Variants in NUP205 observed in about 807,000 individuals in gnomAD.
The protein encoded by NUP205 is nuclear pore complex protein Nup205.
In NUP205, 76 loss-of-function variants were observed where a neutral mutation model predicts 253.8. The observed-to-expected ratio is 0.30, with a 90% CI of 0.25 to 0.36. The LOEUF (loss-of-function observed/expected upper bound fraction) is 0.36, where lower values mean the gene tolerates loss of function less well. Ranked by LOEUF, NUP205 falls within the 10% of genes least tolerant of loss-of-function variation. The pLI, the probability that NUP205 is intolerant of heterozygous loss-of-function variation, is 1.00. For synonymous variants in NUP205, 832 were observed against 850.1 expected (o/e 0.98, Z 0.37); for missense variants, 2,162 against 2,425.5 (o/e 0.89, Z 2.28).
intron 28 of NUP205, 85 bp from the exon 29 acceptor site, chr7:135,619,338 T>C: frequency 7.0e-7 from 1 of 1,420,256 alleles, no homozygotes; most frequent in Non-Finnish European, 9.6e-7. Context: ...CGAGACCCTG[T>C]CTTCAAAAAA....
At chr7:135,598,736 C>G (rs893258870) in intron 15 of NUP205, 1 of 153,234 alleles carries the variant, frequency 6.5e-6, no homozygotes, top group Non-Finnish European at 1.5e-5. Context: ...TTATATATAT[C>G]ATTTTATATA....
At chr7:135,627,412 C>T (rs546604419) in intron 33 of NUP205, among the ~76,000 whole-genome samples, 4 of 152,276 alleles carry the variant, frequency 2.6e-5, no homozygotes, top group African/African-American at 7.2e-5. Context: ...CAATATGATG[C>T]TCAAAGGAAA....
Position 135,643,326 on chromosome 7 carries a change from G to T in NUP205, c.5527G>T (p.Val1843Leu). ...ACAGAGTGTCAGCAAGCTACAAAAT[G>T]TAGAGCAGCTTCCCCCAGATGAGAT... Reference protein sequence around the residue: ...HRQSVSKLQNVEQLPPDEIKE... With the variant: ...HRQSVSKLQNLEQLPPDEIKE... Residue 1843 changes from valine (V) to leucine (L), a missense_variant, in exon 39 of 43, where the codon GTA becomes TTA. Val to Leu is a conservative substitution (Grantham distance 32). Transcript: ENST00000285968. The T allele has an allele frequency of 6.2e-7, 1 of 1,614,072 alleles. No individual in the cohort carries two copies. Among genetic ancestry groups the T allele is most frequent in the Non-Finnish European group, 8.5e-7 (1 of 1,179,972 alleles).
chr7:135,603,785 C>T (rs1408882382), intron 18 of NUP205, among the ~76,000 whole-genome samples: 1 of 152,140 alleles, frequency 6.6e-6, no homozygotes, highest in Admixed American at 6.5e-5. Context: ...GCTGGGATTA[C>T]AGGTGTGAGC....
chr7:135,646,310 C>T, intron 42 of NUP205, 79 bp downstream of exon 42: 2 of 1,070,970 alleles, frequency 1.9e-6, no homozygotes, highest in South Asian at 1.3e-5. Context: ...CATCTGTAAT[C>T]CCAGCATTTT....
Position 135,603,112 on chromosome 7 carries a change from CTTTTTTTTTTT to C in NUP205, c.2702+129_2702+139del, listed in dbSNP as rs11300648. 313 of 332,712 alleles carry C rather than the reference CTTTTTTTTTTT, an allele frequency of 9.4e-4. 1 individual carries two copies. The highest frequency in any genetic ancestry group is 8.5e-3 in the African/African-American group (217 of 25,668). The allele number at this position is 332,712 out of a possible 1,614,324, so 20.6% of individuals were successfully genotyped here. On this transcript the variant is annotated intron_variant, in intron 18 of 42. Coordinates refer to ENST00000285968, the MANE Select transcript of NUP205 (RefSeq NM_015135.3). ...TTTTTTTTATTTTTGCCTCATTTTA[CTTTTTTTTTTT>C]TTTTTTTTTTGAGATGGAGTCTCGC...
At chr7:135,563,132 A>G (rs2129489471) in intron 1 of NUP205, among the ~76,000 whole-genome samples, 1 of 150,766 alleles carries the variant, frequency 6.6e-6, no homozygotes, top group South Asian at 2.1e-4. Context: ...TGCCCTGGCT[A>G]CCTCTCCTTC....
rs1409155872 is a variant in NUP205 at position 135,577,005 on chromosome 7, T to C, written c.525T>C (p.Asp175=). 6.2e-7 allele frequency: 1 copy of C among 1,613,194 alleles called. No homozygotes were observed. Among genetic ancestry groups the C allele is most frequent in the South Asian group, 1.1e-5 (1 of 91,038 alleles). ...CTTCCATGACAACACGCTTTACAGA[T>C]GAGCTGATGGAGCAAGGATTGACTT... The part of the protein sequence containing the change: ...ELASMTTRFT[D]ELMEQGLTYK... The change falls in exon 5 of 43, where the codon GAT becomes GAC. Residue 175 remains aspartate (D), a synonymous_variant. Transcript: ENST00000285968.
intron 1 of NUP205, among the ~76,000 whole-genome samples, chr7:135,567,146 A>G (rs1384595548): frequency 3.4e-4 from 23 of 66,970 alleles, no homozygotes; most frequent in African/African-American, 7.6e-4. Context: ...ATATATATAT[A>G]TATATATATA....
intron 22 of NUP205, among the ~76,000 whole-genome samples, chr7:135,611,317 T>C (rs1584672583): frequency 6.6e-6 from 1 of 152,184 alleles, no homozygotes; most frequent in East Asian, 1.9e-4. Flanking sequence ...AGTTCTCTTC[T>C]GATAGTATTA....
intron 1 of NUP205, among the ~76,000 whole-genome samples, chr7:135,560,211 G>A (rs1805546824): frequency 6.6e-6 from 1 of 151,640 alleles, no homozygotes; most frequent in Admixed American, 6.6e-5. Flanking sequence ...GGCCAGACTG[G>A]TCTCAAACTC....
At chr7:135,588,155 T>G (rs1038377777) in intron 10 of NUP205, among the ~76,000 whole-genome samples, 163 bp downstream of exon 10, 1 of 152,210 alleles carries the variant, frequency 6.6e-6, no homozygotes, top group African/African-American at 2.4e-5. Flanking sequence ...TATTTATTTA[T>G]GTTGAGACAA....
At position 135,615,054 on chromosome 7, in the gene NUP205, G is replaced by C. The variant is rs547860733; in HGVS notation, c.3310+781G>C. On this transcript the variant is annotated intron_variant, in intron 23 of 42. Transcript: ENST00000285968. ...TCATAAGTGTCTTATTTTTAGTTCT[G>C]GGATTTTGTTTAAGAAGCTTTTAGA... Among the ~76,000 whole-genome samples the C allele has an allele frequency of 2.1e-4, 32 of 152,026 alleles. No individual in the cohort carries two copies. The South Asian group carries it at 5.0e-3, about 24-fold the overall frequency.
At position 135,577,110 on chromosome 7, in the gene NUP205, T is replaced by C; in HGVS notation, c.630T>C (p.Ser210=). The change falls in exon 5 of 43, where the codon AGT becomes AGC. Residue 210 remains serine (S), a synonymous_variant. Coordinates refer to ENST00000285968, the MANE Select transcript of NUP205 (RefSeq NM_015135.3). ...EKLQRERGLG[S]EKHRKEVSDL... ...TACAGCGAGAGAGAGGTTTGGGCAGTGAAAAACATCGCAAAGAGGCAAGGG... is the reference window on the plus strand; with the variant it reads ...TACAGCGAGAGAGAGGTTTGGGCAGCGAAAAACATCGCAAAGAGGCAAGGG... The C allele has an allele frequency of 6.2e-7, 1 of 1,610,556 alleles. No individual in the cohort carries two copies. Among genetic ancestry groups the C allele is most frequent in the Non-Finnish European group, 8.5e-7 (1 of 1,179,108 alleles).
intron 18 of NUP205, 83 bp downstream of exon 18, chr7:135,603,077 T>C: frequency 1.1e-6 from 1 of 932,128 alleles, no homozygotes; most frequent in South Asian, 1.9e-5. Context: ...AGGTATCTAG[T>C]GCATCACCTT....
At chr7:135,610,805 C>CTGA (rs1314579453) in intron 22 of NUP205, among the ~76,000 whole-genome samples, 3 of 152,198 alleles carry the variant, frequency 2.0e-5, no homozygotes, top group African/African-American at 7.2e-5. Flanking sequence ...ATGGTCCTTA[C>CTGA]TGATACCTTC....
chr7:135,622,799 G>A lies in NUP205; in HGVS notation c.4353G>A (p.Arg1451=). 1 of 1,613,890 alleles carries A rather than the reference G, an allele frequency of 6.2e-7. No homozygotes were observed. Among genetic ancestry groups the A allele is most frequent in the Non-Finnish European group, 8.5e-7 (1 of 1,179,984 alleles). The stretch of plus-strand genomic sequence containing the variant: ...TAGCCAAGAAAACCATGTGGGAAAG[G>A]CTGACAGCCCCTGAAGATGTATTTA... ...LEAAKKTMWE[R]LTAPEDVFSK... Residue 1451 remains arginine, a synonymous_variant, in exon 31 of 43, where the codon AGG becomes AGA. Transcript: ENST00000285968.
At chr7:135,615,068 G>C (rs796796224) in intron 23 of NUP205, among the ~76,000 whole-genome samples, 2 of 152,092 alleles carry the variant, frequency 1.3e-5, no homozygotes, top group South Asian at 4.1e-4. Flanking sequence ...TTTTGTTTAA[G>C]AAGCTTTTAG....
At chr7:135,577,199 T>A in intron 5 of NUP205, 71 bp downstream of exon 5, 1 of 1,425,910 alleles carries the variant, frequency 7.0e-7, no homozygotes, top group South Asian at 1.3e-5. Context: ...ACAATTAGAA[T>A]GTTCATTTTT....
Sources: gnomAD v4.1 joint callset for allele counts (sites outside exome capture counted in the v4.1 genomes callset) on GRCh38, gnomAD v4.1.1 for gene constraint, MANE v1.5 for transcripts, NCBI Gene and HGNC (gene_info 2026-07-23, HGNC 2026-07-21) for gene names.